Variants in ZCCHC4 observed in about 807,000 individuals in gnomAD.
ZCCHC4 encodes rRNA N(6)-adenosine-methyltransferase ZCCHC4.
A neutral mutation model predicts 67.7 loss-of-function variants in ZCCHC4; 54 were observed. That is an observed-to-expected ratio of 0.80 (90% CI 0.64 to 1.00). ZCCHC4 has a LOEUF of 1.00. ZCCHC4 is among the 50% of genes least tolerant of loss of function. The pLI is 0.00. For missense variants in ZCCHC4, 609 were observed against 617.0 expected (o/e 0.99, Z 0.14); for synonymous variants, 198 against 213.5 (o/e 0.93, Z 0.63).
Position 25,361,964 on chromosome 4 carries a change from A to G in ZCCHC4, c.1117A>G (p.Thr373Ala), listed in dbSNP as rs1560417111. 1 of 1,614,042 alleles carries G rather than the reference A, an allele frequency of 6.2e-7. No individual in the cohort carries two copies. Among genetic ancestry groups the G allele is most frequent in the Non-Finnish European group, 8.5e-7 (1 of 1,179,964 alleles). The change falls in exon 9 of 13, where the codon ACT (threonine) becomes GCT (alanine). Residue 373 changes from threonine to alanine, a missense_variant. Coordinates refer to ENST00000302874, the MANE Select transcript of ZCCHC4 (RefSeq NM_024936.3). ...TCCGCCCAACAAAATAATCCTTCCTACTGAAGAAGGGTACAGGTAAGATCA... is the reference window on the plus strand; with the variant it reads ...TCCGCCCAACAAAATAATCCTTCCTGCTGAAGAAGGGTACAGGTAAGATCA... ...NIPPNKIILP[T>A]EEGYRFCSPC...
intron 1 of ZCCHC4, 71 bp from the exon 2 acceptor site, chr4:25,313,975 C>G (rs1051865398): frequency 1.6e-5 from 15 of 945,642 alleles, no homozygotes; most frequent in Admixed American, 2.3e-5. Context: ...TTAAGGGCAG[C>G]GAAAACTAAG....
chr4:25,363,017 A>G (rs1054210006), intron 10 of ZCCHC4, among the ~76,000 whole-genome samples: 4 of 152,184 alleles, frequency 2.6e-5, no homozygotes, highest in African/African-American at 9.7e-5. Context: ...TTGACACATC[A>G]TTAACACCCT....
At position 25,345,557 on chromosome 4, in the gene ZCCHC4, G is replaced by A. The variant is rs1266147707; in HGVS notation, c.696G>A (p.Gln232=). ...TGTAATTATTTTACAGGTATTCACA[G>A]TTTTATATGGAAGATAGCTTTTGCC... ...LLLDIDFRYS[Q]FYMEDSFCHY... Residue 232 remains glutamine (Q), a synonymous_variant, in exon 6 of 13, where the codon CAG becomes CAA. Coordinates refer to ENST00000302874, the MANE Select transcript of ZCCHC4 (RefSeq NM_024936.3). The A allele has an allele frequency of 1.3e-6, 2 of 1,533,644 alleles. No homozygotes were observed. Among genetic ancestry groups the A allele is most frequent in the Non-Finnish European group, 9.0e-7 (1 of 1,111,528 alleles).
rs570428278 is a variant in ZCCHC4 at position 25,353,852 on chromosome 4, C to A, written c.1011+2163C>A. ...AGTATTAAGTTTAGGTTCTTGCTGT[C>A]GGCATTGTCATCACCATCACTGTCA... On this transcript the variant is annotated intron_variant, in intron 8 of 12. Coordinates refer to ENST00000302874, the MANE Select transcript of ZCCHC4 (RefSeq NM_024936.3). 7.2e-5 allele frequency among the ~76,000 whole-genome samples: 11 copies of A among 152,238 alleles called. No homozygotes were observed. The South Asian group carries it at 2.3e-3, about 32-fold the overall frequency.
chr4:25,349,442 A>G (rs1382658564), intron 6 of ZCCHC4, 50 bp from the exon 7 acceptor site: 1 of 1,571,534 alleles, frequency 6.4e-7, no homozygotes, highest in Non-Finnish European at 8.7e-7. Context: ...AAATAGGATG[A>G]AGTGCCTCTC....
intron 3 of ZCCHC4, among the ~76,000 whole-genome samples, chr4:25,317,241 G>T (rs955590640): frequency 6.6e-6 from 1 of 152,120 alleles, no homozygotes; most frequent in Non-Finnish European, 1.5e-5. Flanking sequence ...GAGTACTGGG[G>T]TGTATTTATA....
intron 3 of ZCCHC4, among the ~76,000 whole-genome samples, chr4:25,318,326 C>G (rs73254141): frequency 0.11 from 10,914 of 99,228 alleles, 511 homozygotes; most frequent in East Asian, 0.25. Context: ...AACCACTGTT[C>G]TTTTTTTTTT....
At chr4:25,366,209 C>T in intron 12 of ZCCHC4, 1 of 962,358 alleles carries the variant, frequency 1.0e-6, no homozygotes, top group Non-Finnish European at 1.2e-6. Context: ...ACTATTACAA[C>T]TGCCTCGTTC....
At chr4:25,349,994 C>T (rs1338686408) in intron 7 of ZCCHC4, among the ~76,000 whole-genome samples, 2 of 152,074 alleles carry the variant, frequency 1.3e-5, no homozygotes, top group South Asian at 4.1e-4. Context: ...GATTTTTGAA[C>T]AAAGCCGACA....
chr4:25,333,603 G>C (rs1253230647), intron 4 of ZCCHC4, 145 bp downstream of exon 4: 21 of 911,398 alleles, frequency 2.3e-5, no homozygotes, highest in Non-Finnish European at 3.4e-5. Context: ...CTCTCTTAAG[G>C]AGTTTGCAAC....
At position 25,312,953 on chromosome 4, in the gene ZCCHC4, G is replaced by T; in HGVS notation, c.127+17G>T. On this transcript the variant is annotated intron_variant, in intron 1 of 12. Transcript: ENST00000302874. Reference sequence around the variant, plus strand: ...GCCCTCACGGTGGGTCAGAGTCTGGGCTCAGCCTAACTGCCGGGCGCTGAG... The same window carrying T: ...GCCCTCACGGTGGGTCAGAGTCTGGTCTCAGCCTAACTGCCGGGCGCTGAG... 6.2e-7 allele frequency: 1 copy of T among 1,610,460 alleles called. No individual in the cohort carries two copies. Among genetic ancestry groups the T allele is most frequent in the Non-Finnish European group, 8.5e-7 (1 of 1,179,748 alleles).
chr4:25,313,978 A>C, intron 1 of ZCCHC4, 68 bp from the exon 2 acceptor site: 1 of 1,006,410 alleles, frequency 9.9e-7, no homozygotes. Flanking sequence ...AGGGCAGCGA[A>C]AACTAAGAAC....
chr4:25,357,873 C>A (rs2109088630), intron 8 of ZCCHC4, among the ~76,000 whole-genome samples: 1 of 152,252 alleles, frequency 6.6e-6, no homozygotes, highest in South Asian at 2.1e-4. Context: ...GGGCCCTACT[C>A]CCAGAGTTTC....
intron 3 of ZCCHC4, among the ~76,000 whole-genome samples, chr4:25,320,815 AAG>A (rs1718544664): frequency 1.3e-5 from 2 of 152,366 alleles, no homozygotes; most frequent in Admixed American, 6.5e-5. Context: ...ATTTAAAGGA[AAG>A]AGTTAATTGA....
intron 6 of ZCCHC4, among the ~76,000 whole-genome samples, chr4:25,346,028 A>G (rs570434159): frequency 6.6e-6 from 1 of 152,232 alleles, no homozygotes; most frequent in South Asian, 2.1e-4. Context: ...TTTTGCCTTG[A>G]TAACCTCCAC....
At chr4:25,347,048 T>C (rs941055954) in intron 6 of ZCCHC4, among the ~76,000 whole-genome samples, 2 of 152,132 alleles carry the variant, frequency 1.3e-5, no homozygotes, top group Non-Finnish European at 2.9e-5. Flanking sequence ...GTTTGTGGGG[T>C]TGGTAGGATA....
At chr4:25,360,433 G>T (rs372405459) in intron 8 of ZCCHC4, among the ~76,000 whole-genome samples, 1 of 152,248 alleles carries the variant, frequency 6.6e-6, no homozygotes, top group Admixed American at 6.5e-5. Flanking sequence ...GGTCCCAGCT[G>T]TGGAAGGGAG....
intron 10 of ZCCHC4, among the ~76,000 whole-genome samples, chr4:25,363,302 A>G (rs185330734): frequency 2.6e-5 from 4 of 152,334 alleles, no homozygotes; most frequent in African/African-American, 9.6e-5. Context: ...TCTTTCACTT[A>G]GTAATAGGCA....
chr4:25,360,514 A>G (rs1246384193), intron 8 of ZCCHC4, among the ~76,000 whole-genome samples: 1 of 152,234 alleles, frequency 6.6e-6, no homozygotes, highest in Non-Finnish European at 1.5e-5. Context: ...TCATGAGAGC[A>G]TGGCAGGACA....
Sources: allele counts gnomAD v4.1 joint callset (sites outside exome capture counted in the v4.1 genomes callset), GRCh38; gene constraint gnomAD v4.1.1; transcripts MANE v1.5; gene names NCBI Gene and HGNC (gene_info 2026-07-23, HGNC 2026-07-21).